DACH2: variants seen among roughly 807,000 people sequenced by gnomAD.
DACH2 encodes the protein dachshund family transcription factor 2.
In DACH2, 17 loss-of-function variants were observed where a neutral mutation model predicts 35.8. That is an observed-to-expected ratio of 0.48 (90% CI 0.33 to 0.71). The LOEUF is 0.71. Ranked by LOEUF, DACH2 falls within the 30% of genes least tolerant of loss-of-function variation. The pLI is 0.02. For missense variants in DACH2, 469 were observed against 472.7 expected (o/e 0.99, Z 0.07); for synonymous variants, 195 against 177.3 (o/e 1.10, Z -0.79).
intron 1 of DACH2, among the ~76,000 whole-genome samples, chrX:86,348,430 C>A (rs1053639505): frequency 3.6e-5 from 4 of 111,641 alleles, no homozygotes; most frequent in African/African-American, 1.3e-4. Context: ...TCCAGGGTAT[C>A]TTGGAACTGA....
intron 2 of DACH2, among the ~76,000 whole-genome samples, chrX:86,420,908 T>A (rs2148157342): frequency 9.0e-6 from 1 of 111,359 alleles, no homozygotes; most frequent in African/African-American, 3.2e-5. Context: ...TGGTAGATTG[T>A]ACCCTTAAAT....
intron 1 of DACH2, among the ~76,000 whole-genome samples, chrX:86,204,274 T>A (rs2032228790): frequency 8.9e-6 from 1 of 111,995 alleles, no homozygotes; most frequent in African/African-American, 3.2e-5. Context: ...ATAAAAATAT[T>A]TATGGAATCA....
chrX:86,437,008 A>G (rs774820596), intron 2 of DACH2, among the ~76,000 whole-genome samples: 2 of 110,752 alleles, frequency 1.8e-5, no homozygotes, highest in Non-Finnish European at 3.8e-5. Context: ...TTTATTTCTG[A>G]CATTAGTGAT....
intron 3 of DACH2, among the ~76,000 whole-genome samples, chrX:86,597,800 C>A (rs2039731748): frequency 8.9e-6 from 1 of 111,987 alleles, no homozygotes; most frequent in Admixed American, 9.5e-5. Context: ...ATTTTCCCTT[C>A]ATTCCTTGAG....
At chrX:86,399,014 G>T (rs1214241904) in intron 2 of DACH2, among the ~76,000 whole-genome samples, 1 of 111,281 alleles carries the variant, frequency 9.0e-6, no homozygotes, top group Non-Finnish European at 1.9e-5. Flanking sequence ...TATTGTGTGG[G>T]AGTCTAAGTC....
intron 4 of DACH2, among the ~76,000 whole-genome samples, chrX:86,678,974 A>G (rs2040849999): frequency 9.0e-6 from 1 of 111,470 alleles, no homozygotes; most frequent in African/African-American, 3.3e-5. Flanking sequence ...CTTAGGTTCC[A>G]GATCTCCATG....
intron 2 of DACH2, among the ~76,000 whole-genome samples, chrX:86,503,128 G>A (rs778511859): frequency 8.9e-6 from 1 of 112,184 alleles, no homozygotes; most frequent in Non-Finnish European, 1.9e-5. Context: ...ATTCCCTCAT[G>A]TAAATTTCAA....
intron 7 of DACH2, chrX:86,798,815 CA>C: frequency 7.5e-6 from 1 of 133,536 alleles, no homozygotes; most frequent in Non-Finnish European, 1.5e-5. Flanking sequence ...ACAGGACATC[CA>C]AAAAAGGCTT....
chrX:86,499,608 A>G (rs982716237), intron 2 of DACH2, among the ~76,000 whole-genome samples: 1 of 111,881 alleles, frequency 8.9e-6, no homozygotes. Flanking sequence ...GCTCATTTTC[A>G]CAACTGCTAA....
chrX:86,185,453 T>C (rs765379767), intron 1 of DACH2, among the ~76,000 whole-genome samples: 36 of 111,469 alleles, frequency 3.2e-4, no homozygotes, highest in Non-Finnish European at 6.0e-4. Context: ...GGCTGTAATT[T>C]CTAGGTAATT....
chrX:86,509,376 CA>C (rs904808209), intron 2 of DACH2, among the ~76,000 whole-genome samples: 1 of 111,611 alleles, frequency 9.0e-6, no homozygotes, highest in Non-Finnish European at 1.9e-5. Context: ...GATCAGGTTC[CA>C]GTTATCAGCT....
At chrX:86,563,636 C>A (rs1162171167) in intron 3 of DACH2, among the ~76,000 whole-genome samples, 4 of 110,310 alleles carry the variant, frequency 3.6e-5, no homozygotes, top group Non-Finnish European at 7.6e-5. Flanking sequence ...AGATGTCCGA[C>A]CAAGAGAACA....
At chrX:86,523,027 A>G (rs1370999429) in intron 3 of DACH2, among the ~76,000 whole-genome samples, 1 of 111,939 alleles carries the variant, frequency 8.9e-6, no homozygotes, top group African/African-American at 3.2e-5. Context: ...GACAGCTTAC[A>G]AGGAAGAAAT....
At chrX:86,481,071 A>G (rs1214704440) in intron 2 of DACH2, 1 of 112,092 alleles carries the variant, frequency 8.9e-6, no homozygotes, top group African/African-American at 3.2e-5. Flanking sequence ...AGTGATACAG[A>G]GAAAGATTAG....
intron 1 of DACH2, among the ~76,000 whole-genome samples, chrX:86,338,577 G>C (rs907549776): frequency 1.8e-5 from 2 of 111,949 alleles, no homozygotes; most frequent in African/African-American, 6.5e-5. Context: ...AGTGTTTAGA[G>C]GGAAATTTAT....
intron 7 of DACH2, among the ~76,000 whole-genome samples, chrX:86,761,078 G>A (rs754065486): frequency 1.3e-3 from 144 of 111,016 alleles, no homozygotes; most frequent in African/African-American, 4.6e-3. Context: ...TGCTGAACGT[G>A]CAGGTTTGTT....
chrX:86,803,628 A>T (rs1299203296), intron 7 of DACH2, among the ~76,000 whole-genome samples: 2 of 111,045 alleles, frequency 1.8e-5, no homozygotes, highest in African/African-American at 6.5e-5. Flanking sequence ...TACATATCAA[A>T]TATCATTGCA....
chrX:86,569,977 CAT>C (rs1257185840), intron 3 of DACH2, among the ~76,000 whole-genome samples: 1 of 111,343 alleles, frequency 9.0e-6, no homozygotes, highest in African/African-American at 3.3e-5. Context: ...GACCAACAAA[CAT>C]ATGAAAAAAA....
At chrX:86,157,656 C>T (rs1212799906) in intron 1 of DACH2, among the ~76,000 whole-genome samples, 2 of 111,227 alleles carry the variant, frequency 1.8e-5, no homozygotes, top group Admixed American at 9.6e-5. Context: ...ATTGGATTAA[C>T]AGTTATAACC....
Sources: allele counts gnomAD v4.1 joint callset (sites outside exome capture counted in the v4.1 genomes callset), GRCh38; gene constraint gnomAD v4.1.1; transcripts MANE v1.5; gene names NCBI Gene and HGNC (gene_info 2026-07-23, HGNC 2026-07-21).